Variants in TENM2 observed in about 807,000 individuals in gnomAD.
The protein encoded by TENM2 is teneurin transmembrane protein 2, also known as teneurin-2.
TENM2 carries 52 observed loss-of-function variants against 245.2 expected under a neutral mutation model. The ratio of observed to expected loss-of-function variants is 0.21; its 90% CI spans 0.17 to 0.27. The LOEUF (loss-of-function observed/expected upper bound fraction) is 0.27, where lower values mean the gene tolerates loss of function less well. Among genes scored for constraint, TENM2 ranks in the 10% least tolerant of loss-of-function variants. TENM2 has a pLI of 1.00. For synonymous variants in TENM2, 1,363 were observed against 1,438.9 expected, an observed-to-expected ratio of 0.95 and a Z score of 1.19; for missense variants, 3,046 against 3,666.8, an observed-to-expected ratio of 0.83 and a Z score of 4.37.
In TENM2 at chr5:167,604,925, C is replaced by T. The variant is rs182240380; in HGVS notation, c.502+229452C>T. Reference sequence around the variant, plus strand: ...CTTGGACAGATTAAGAAAGATTTCACACAGCCAAACTTTGAAAGATATTGT... The same window carrying T: ...CTTGGACAGATTAAGAAAGATTTCATACAGCCAAACTTTGAAAGATATTGT... On this transcript the variant is annotated intron_variant, in intron 2 of 28. Transcript: ENST00000518659. Among the ~76,000 whole-genome samples, 30 of 152,292 alleles carry T rather than the reference C, an allele frequency of 2.0e-4. No individual in the cohort carries two copies. In the East Asian group the frequency reaches 5.4e-3, roughly 28 times the overall value.
intron 2 of TENM2, among the ~76,000 whole-genome samples, chr5:167,583,046 C>A (rs897074152): frequency 4.6e-5 from 7 of 152,168 alleles, no homozygotes; most frequent in African/African-American, 1.7e-4. Context: ...AAGTTTTTCT[C>A]TGGAACATTC....
At chr5:168,042,330 G>A (rs1393006408) in intron 5 of TENM2, among the ~76,000 whole-genome samples, 3 of 152,056 alleles carry the variant, frequency 2.0e-5, no homozygotes, top group Non-Finnish European at 2.9e-5. Flanking sequence ...GCTCCTGGGG[G>A]CCTGCTCGGC....
chr5:167,417,756 G>A (rs772409806), intron 2 of TENM2, among the ~76,000 whole-genome samples: 2 of 152,108 alleles, frequency 1.3e-5, no homozygotes, highest in Non-Finnish European at 2.9e-5. Flanking sequence ...CCAAAAGTAG[G>A]TCTGTCTGAC....
At chr5:167,794,564 G>A (rs1765194695) in intron 2 of TENM2, among the ~76,000 whole-genome samples, 1 of 152,184 alleles carries the variant, frequency 6.6e-6, no homozygotes, top group Non-Finnish European at 1.5e-5. Context: ...TATGACAAGG[G>A]TCAAATTCAT....
rs183704573 is a variant in TENM2 at position 167,579,572 on chromosome 5, A to G, written c.502+204099A>G. Among the ~76,000 whole-genome samples, 6 of 152,240 alleles carry G rather than the reference A, an allele frequency of 3.9e-5. No homozygotes were observed. The East Asian group carries it at 9.6e-4, about 24-fold the overall frequency. On this transcript the variant is annotated intron_variant, in intron 2 of 28. Transcript: ENST00000518659. ...ACAGTCGTAGCCAAGCGTTGTCCTG[A>G]CTCACAGATCTGTGGTCACTGCAGT... is the stretch of plus-strand genomic sequence containing the variant.
At chr5:167,863,951 T>C (rs960857256) in intron 2 of TENM2, among the ~76,000 whole-genome samples, 14 of 152,224 alleles carry the variant, frequency 9.2e-5, no homozygotes, top group Admixed American at 2.6e-4. Context: ...GACCTAGTCC[T>C]ACTCTCATTT....
exon 19 of TENM2, chr5:168,204,422 G>A: frequency 6.2e-7 from 1 of 1,613,928 alleles, no homozygotes; most frequent in Non-Finnish European, 8.5e-7. Flanking sequence ...CCAGCAGCCT[G>A]CCATCATCAC....
chr5:167,875,114 G>T (rs1010222264), intron 2 of TENM2, among the ~76,000 whole-genome samples: 1 of 152,204 alleles, frequency 6.6e-6, no homozygotes, highest in Non-Finnish European at 1.5e-5. Context: ...TAAACAAGAT[G>T]CCTGCATTCA....
intron 19 of TENM2, among the ~76,000 whole-genome samples, chr5:168,205,940 T>C (rs376771966): frequency 2.6e-5 from 4 of 152,158 alleles, no homozygotes; most frequent in African/African-American, 9.7e-5. Flanking sequence ...TTGTCCAGGA[T>C]TGGGGCAATG....
intron 12 of TENM2, among the ~76,000 whole-genome samples, chr5:168,149,841 C>G (rs1402617945): frequency 6.6e-6 from 1 of 152,236 alleles, no homozygotes; most frequent in Non-Finnish European, 1.5e-5. Flanking sequence ...CGGGCCTCCT[C>G]TCTGTCCTTC....
At chr5:167,609,767 T>G (rs1777348338) in intron 2 of TENM2, among the ~76,000 whole-genome samples, 11 of 152,230 alleles carry the variant, frequency 7.2e-5, no homozygotes, top group Admixed American at 7.2e-4. Context: ...AAAAACAAAC[T>G]GTTTTTCCTA....
chr5:167,196,310 G>A, the TENM2 span, among the ~76,000 whole-genome samples: 4 of 151,654 alleles, frequency 2.6e-5, no homozygotes, highest in Non-Finnish European at 4.4e-5. Context: ...TGCTCTTTGT[G>A]GTCTCTCATT....
intron 2 of TENM2, among the ~76,000 whole-genome samples, chr5:167,718,107 G>C (rs1759386444): frequency 6.6e-6 from 1 of 152,054 alleles, no homozygotes; most frequent in South Asian, 2.1e-4. Flanking sequence ...GGAATCAAAG[G>C]GACTTACTGG....
In TENM2 at chr5:168,125,148, G is replaced by T. The variant is rs1382014954; in HGVS notation, c.2209+98G>T. On this transcript the variant is annotated intron_variant, in intron 11 of 28. Coordinates refer to ENST00000518659, the Ensembl canonical transcript of TENM2. Reference sequence around the variant, plus strand: ...GGGAATCTACTCTTAATACTTAGCTGGGGATAAGGGGACTTTGATGAATCA... The same window carrying T: ...GGGAATCTACTCTTAATACTTAGCTTGGGATAAGGGGACTTTGATGAATCA... The T allele has an allele frequency of 3.0e-6, 3 of 985,794 alleles. No individual in the cohort carries two copies. The African/African-American group carries it at 4.9e-5, about 16-fold the overall frequency. 61.1% of individuals were successfully genotyped at this position (985,794 alleles called of 1,614,324 possible).
chr5:167,274,655 C>A, the TENM2 span, among the ~76,000 whole-genome samples: 1 of 149,440 alleles, frequency 6.7e-6, no homozygotes, highest in Non-Finnish European at 1.5e-5. Context: ...TTTTTCTCAT[C>A]CTTTCTGGCA....
chr5:167,896,705 A>G (rs2151491745), intron 3 of TENM2, among the ~76,000 whole-genome samples: 1 of 152,350 alleles, frequency 6.6e-6, no homozygotes, highest in East Asian at 1.9e-4. Context: ...TCCATTTATG[A>G]TAACTCTGGT....
Position 168,044,283 on chromosome 5 carries a change from C to T in TENM2, c.1187-3144C>T, listed in dbSNP as rs138549298. Among the ~76,000 whole-genome samples, 327 of 152,208 alleles carry T rather than the reference C, an allele frequency of 2.1e-3. 1 individual carries two copies. The highest frequency in any genetic ancestry group is 7.3e-3 in the African/African-American group (301 of 41,516). Reference sequence around the variant, plus strand: ...ACAAAAACAAAATTAGCCAAGCATGCGGGCGCCTGTAGTCCCAGATACTCG... The same window carrying T: ...ACAAAAACAAAATTAGCCAAGCATGTGGGCGCCTGTAGTCCCAGATACTCG... On this transcript the variant is annotated intron_variant, in intron 5 of 28. Transcript: ENST00000518659.
the TENM2 span, among the ~76,000 whole-genome samples, chr5:167,109,226 T>G: frequency 6.6e-6 from 1 of 151,672 alleles, no homozygotes; most frequent in Non-Finnish European, 1.5e-5. Context: ...TTTAAAATCT[T>G]TTAATTTTTT....
the TENM2 span, among the ~76,000 whole-genome samples, chr5:167,089,756 T>A: frequency 6.6e-6 from 1 of 152,092 alleles, no homozygotes; most frequent in Non-Finnish European, 1.5e-5. Context: ...CAGGAGAGAT[T>A]TTAAGGAAGA....
Sources: gnomAD v4.1 joint callset for allele counts (sites outside exome capture counted in the v4.1 genomes callset) on GRCh38, gnomAD v4.1.1 for gene constraint, MANE v1.5 for transcripts, NCBI Gene and HGNC (gene_info 2026-07-23, HGNC 2026-07-21) for gene names.